SGCD: variants seen among roughly 807,000 people sequenced by gnomAD.
SGCD encodes the protein delta-sarcoglycan.
SGCD carries 18 observed loss-of-function variants against 36.6 expected under a neutral mutation model. That is an observed-to-expected ratio of 0.49 (90% CI 0.34 to 0.73). The LOEUF is 0.73. Ranked by LOEUF, SGCD falls within the 30% of genes least tolerant of loss-of-function variation. SGCD has a pLI of 0.01. For synonymous variants in SGCD, 133 were observed against 130.6 expected (o/e 1.02, Z -0.12); for missense variants, 387 against 346.7 (o/e 1.12, Z -0.92).
At chr5:156,502,039 T>A (rs1756477413) in intron 3 of SGCD, among the ~76,000 whole-genome samples, 1 of 122,476 alleles carries the variant, frequency 8.2e-6, no homozygotes, top group African/African-American at 3.7e-5. Context: ...ATATTCTCTC[T>A]TTTTTTTTTT....
chr5:155,857,824 AC>A, the SGCD span, among the ~76,000 whole-genome samples: 1 of 152,180 alleles, frequency 6.6e-6, no homozygotes. Context: ...CTTAGATGTT[AC>A]TTTTAATAAT....
chr5:156,184,179 G>GA (rs1447482953), intron 3 of SGCD, among the ~76,000 whole-genome samples: 1 of 152,132 alleles, frequency 6.6e-6, no homozygotes, highest in Non-Finnish European at 1.5e-5. Context: ...TACTGAAAGT[G>GA]AAAAACATGA....
chr5:155,890,515 G>A (rs1232839846), intron 1 of SGCD, among the ~76,000 whole-genome samples: 1 of 152,002 alleles, frequency 6.6e-6, no homozygotes, highest in Non-Finnish European at 1.5e-5. Flanking sequence ...AGGCTGAAGG[G>A]GAGGATTGCA....
intron 7 of SGCD, among the ~76,000 whole-genome samples, chr5:156,709,841 G>A (rs1188797395): frequency 6.3e-5 from 4 of 63,788 alleles, no homozygotes; most frequent in African/African-American, 2.4e-4. Flanking sequence ...CCTCCCCCCC[G>A]ACGCCGCCAC....
rs544250402 is a variant in SGCD, at chr5:156,158,907, A to G, written c.-44+34888A>G. Among the ~76,000 whole-genome samples the G allele has an allele frequency of 7.8e-4, 119 of 151,664 alleles. 5 individuals are homozygous for G. Among genetic ancestry groups the G allele is most frequent in the African/African-American group, 2.6e-3 (105 of 40,986 alleles). On this transcript the variant is annotated intron_variant, in intron 3 of 9. Coordinates refer to the SGCD transcript ENST00000517913. ...CTCAGTCTGTACTATAAAAGCTGTC[A>G]TTTAACTTCTCATCATTAAAAAAAA... is the stretch of plus-strand genomic sequence containing the variant.
At chr5:156,197,545 A>G (rs2127635418) in intron 3 of SGCD, among the ~76,000 whole-genome samples, 1 of 150,640 alleles carries the variant, frequency 6.6e-6, no homozygotes, top group Admixed American at 6.6e-5. Flanking sequence ...GAGCCAGAGA[A>G]GTAAAAGTGA....
intron 3 of SGCD, among the ~76,000 whole-genome samples, chr5:156,196,969 C>T (rs1444660138): frequency 1.3e-5 from 2 of 152,106 alleles, no homozygotes; most frequent in East Asian, 3.9e-4. Flanking sequence ...TCTGCCTTTG[C>T]ACTTAGTTTA....
At position 156,601,625 on chromosome 5, in the gene SGCD, G is replaced by A. The variant is rs1346226826; in HGVS notation, c.502+6574G>A. Among the ~76,000 whole-genome samples the A allele has an allele frequency of 2.0e-5, 3 of 152,068 alleles. No homozygotes were observed. The East Asian group carries it at 5.8e-4, about 29-fold the overall frequency. ...GGCTATTTGGAGTCTTCTGTGGTTC[G>A]AGATGAATTTTAGAATTTTTTTCCT... On this transcript the variant is annotated intron_variant, in intron 6 of 8. Transcript: ENST00000337851.
chr5:156,262,572 G>A (rs1267329904), intron 3 of SGCD, among the ~76,000 whole-genome samples: 1 of 152,006 alleles, frequency 6.6e-6, no homozygotes. Flanking sequence ...TGGGGAACAG[G>A]TGGTGTTTGG....
chr5:156,706,727 G>C (rs894218331), intron 7 of SGCD, among the ~76,000 whole-genome samples: 23 of 152,090 alleles, frequency 1.5e-4, no homozygotes, highest in African/African-American at 5.6e-4. Flanking sequence ...GGAATTTTCA[G>C]GGAAATTGGA....
intron 1 of SGCD, among the ~76,000 whole-genome samples, chr5:156,009,710 A>G (rs1423833378): frequency 6.6e-6 from 1 of 152,144 alleles, no homozygotes; most frequent in Non-Finnish European, 1.5e-5. Flanking sequence ...CATAGATTTT[A>G]AAGAATTGCC....
the SGCD span, among the ~76,000 whole-genome samples, chr5:155,737,916 G>A: frequency 6.6e-6 from 1 of 152,296 alleles, no homozygotes; most frequent in African/African-American, 2.4e-5. Flanking sequence ...TAATGGGACA[G>A]TGGGGGAGCT....
intron 6 of SGCD, among the ~76,000 whole-genome samples, chr5:156,622,920 A>C (rs1235802641): frequency 1.3e-5 from 2 of 152,102 alleles, no homozygotes; most frequent in East Asian, 3.9e-4. Flanking sequence ...GACGGGAGCA[A>C]GTCAGAGAGT....
At chr5:156,107,591 A>G (rs1489361513) in intron 1 of SGCD, among the ~76,000 whole-genome samples, 1 of 152,114 alleles carries the variant, frequency 6.6e-6, no homozygotes, top group Admixed American at 6.6e-5. Flanking sequence ...AATGCTAGTC[A>G]TTTTTCAAAG....
intron 3 of SGCD, 99 bp from the exon 4 acceptor site, chr5:156,508,502 T>TA (rs71577199): frequency 0.015 from 9,006 of 585,978 alleles, 2 homozygotes; most frequent in Middle Eastern, 0.022. Context: ...CTTCAAAAAT[T>TA]AAAAAAAAAA....
At chr5:156,396,318 A>G (rs1220703141) in intron 3 of SGCD, among the ~76,000 whole-genome samples, 1 of 152,250 alleles carries the variant, frequency 6.6e-6, no homozygotes, top group Non-Finnish European at 1.5e-5. Flanking sequence ...GAAAATAGCA[A>G]AAATATTTCG....
intron 1 of SGCD, among the ~76,000 whole-genome samples, chr5:155,892,677 T>C (rs1756163408): frequency 6.6e-6 from 1 of 152,170 alleles, no homozygotes; most frequent in Non-Finnish European, 1.5e-5. Context: ...TGTTGGCAAC[T>C]AGTTTGCTGA....
At position 156,432,779 on chromosome 5, in the gene SGCD, A is replaced by T. The variant is rs1321474903; in HGVS notation, c.193-75822A>T. Among the ~76,000 whole-genome samples the T allele has an allele frequency of 2.0e-5, 3 of 152,156 alleles. No homozygotes were observed. In the East Asian group the frequency reaches 5.8e-4, roughly 29 times the overall value. ...CTGTGATAGGTCCCACCTAGCTCCCATGCAGTTGGTGAAGCTGGTCTAACT... is the reference window on the plus strand; with the variant it reads ...CTGTGATAGGTCCCACCTAGCTCCCTTGCAGTTGGTGAAGCTGGTCTAACT... On this transcript the variant is annotated intron_variant, in intron 3 of 8. Coordinates refer to ENST00000337851, the MANE Select transcript of SGCD (RefSeq NM_000337.6).
chr5:156,278,901 T>G (rs1581214211), intron 3 of SGCD, among the ~76,000 whole-genome samples: 1 of 152,302 alleles, frequency 6.6e-6, no homozygotes, highest in South Asian at 2.1e-4. Flanking sequence ...GTATTTCTAT[T>G]CCAGGTATAA....
Sources: allele counts gnomAD v4.1 joint callset (sites outside exome capture counted in the v4.1 genomes callset), GRCh38; gene constraint gnomAD v4.1.1; transcripts MANE v1.5; gene names NCBI Gene and HGNC (gene_info 2026-07-23, HGNC 2026-07-21).